The following CSMD3 variants were observed in gnomAD, a reference collection of about 807,000 sequenced individuals.
CSMD3 encodes CUB and Sushi multiple domains 3.
A neutral mutation model predicts 435.2 loss-of-function variants in CSMD3; 177 were observed. The ratio of observed to expected loss-of-function variants is 0.41; its 90% CI spans 0.36 to 0.46. The LOEUF is 0.46. Among genes scored for constraint, CSMD3 ranks in the 20% least tolerant of loss-of-function variants. The pLI, the probability that CSMD3 is intolerant of heterozygous loss-of-function variation, is 0.34. For synonymous variants in CSMD3, 1,656 were observed against 1,520.5 expected, an observed-to-expected ratio of 1.09 and a Z score of -2.07; for missense variants, 4,265 against 4,504.6, an observed-to-expected ratio of 0.95 and a Z score of 1.52.
At chr8:112,390,111 C>T (rs1021659145) in intron 36 of CSMD3, among the ~76,000 whole-genome samples, 2 of 152,178 alleles carry the variant, frequency 1.3e-5, no homozygotes, top group Admixed American at 6.5e-5. Context: ...GGTTGTTGCC[C>T]ATTGCATAGG....
chr8:112,316,234 T>C (rs1424836569), intron 47 of CSMD3, among the ~76,000 whole-genome samples: 1 of 151,844 alleles, frequency 6.6e-6, no homozygotes, highest in African/African-American at 2.4e-5. Context: ...TTGGATATTA[T>C]TTCAGTTTCT....
intron 1 of CSMD3, among the ~76,000 whole-genome samples, chr8:113,351,349 G>T (rs189119528): frequency 6.6e-6 from 1 of 152,108 alleles, no homozygotes; most frequent in African/African-American, 2.4e-5. Context: ...AATATATCTT[G>T]GAAAAAGGCA....
intron 5 of CSMD3, among the ~76,000 whole-genome samples, chr8:113,091,487 C>T (rs975032726): frequency 2.0e-5 from 3 of 151,856 alleles, no homozygotes; most frequent in Non-Finnish European, 4.4e-5. Context: ...TTCTTTATGG[C>T]TCAGTCTTGG....
chr8:112,486,775 C>T lies in CSMD3; in HGVS notation c.5278+5714G>A, dbSNP rs115175405. Among the ~76,000 whole-genome samples, 1,434 of 152,196 alleles carry T rather than the reference C, an allele frequency of 9.4e-3. 30 individuals carry two copies. The highest frequency in any genetic ancestry group is 0.032 in the African/African-American group (1,343 of 41,540). On this transcript the variant is annotated intron_variant, in intron 31 of 70. Coordinates refer to ENST00000297405, the MANE Select transcript of CSMD3 (RefSeq NM_198123.2). ...AGATCAGATGTATATCCATGCTGTG[C>T]TCACAGTACTGTTTTTATTTCTAGC...
intron 59 of CSMD3, among the ~76,000 whole-genome samples, chr8:112,279,101 T>C (rs1278344084): frequency 6.6e-6 from 1 of 151,834 alleles, no homozygotes; most frequent in African/African-American, 2.4e-5. Flanking sequence ...GAAATAAAGA[T>C]CCACAACTGG....
At chr8:112,592,976 A>T (rs1463104881) in intron 22 of CSMD3, among the ~76,000 whole-genome samples, 1 of 152,184 alleles carries the variant, frequency 6.6e-6, no homozygotes, top group Non-Finnish European at 1.5e-5. Context: ...AGAAGCCACA[A>T]GAGAATTACA....
chr8:112,844,727 T>C (rs2080270201), intron 11 of CSMD3, among the ~76,000 whole-genome samples: 2 of 151,938 alleles, frequency 1.3e-5, no homozygotes. Context: ...TGTTTAAGTC[T>C]CTGTTAATGC....
chr8:113,153,101 A>AAAGAAAGAAAGAAAAGAAAG (rs35085690), intron 4 of CSMD3, among the ~76,000 whole-genome samples: 1 of 99,994 alleles, frequency 1.0e-5, no homozygotes, highest in African/African-American at 4.7e-5. Flanking sequence ...AGAAAGAAAG[A>AAAGAAAGAAAGAAAAGAAAG]AAAGAAAGAA....
At chr8:112,999,297 A>G (rs1475381756) in intron 6 of CSMD3, among the ~76,000 whole-genome samples, 1 of 151,980 alleles carries the variant, frequency 6.6e-6, no homozygotes, top group Admixed American at 6.6e-5. Context: ...ATTTAATCAA[A>G]TTTATGAAGA....
rs746783168 is a variant in CSMD3 at position 112,244,409 on chromosome 8, C to G, written c.10387G>C (p.Val3463Leu). ...GAAAACTTACCTTCACAAATGGGAA[C>G]TTTTCCAGTCCAGGTGTTATCGGAT... ...CRSDNTWTGK[V>L]PICEAGSKIL... Residue 3463 changes from valine to leucine, a missense_variant, in exon 65 of 71, where the codon GTT (valine) becomes CTT (leucine). Physicochemically the swap from Val to Leu is conservative, Grantham distance 32. Coordinates refer to ENST00000297405, the MANE Select transcript of CSMD3 (RefSeq NM_198123.2). The G allele has an allele frequency of 3.9e-6, 6 of 1,549,554 alleles. No individual in the cohort carries two copies. Among genetic ancestry groups the G allele is most frequent in the African/African-American group, 1.5e-5 (1 of 65,464 alleles).
chr8:112,783,411 A>C (rs1037310003), intron 13 of CSMD3, among the ~76,000 whole-genome samples: 1 of 98,424 alleles, frequency 1.0e-5, no homozygotes, highest in Non-Finnish European at 1.9e-5. Context: ...GGAAGGAAGG[A>C]AGGAGGGAGG....
At chr8:112,352,323 ATGT>A (rs1826202535) in intron 39 of CSMD3, 90 bp downstream of exon 39, 1 of 1,587,846 alleles carries the variant, frequency 6.3e-7, no homozygotes, top group South Asian at 1.1e-5. Context: ...ACCAGGATCA[ATGT>A]TGTAAAACCC....
intron 5 of CSMD3, among the ~76,000 whole-genome samples, chr8:113,068,575 T>C (rs1321722909): frequency 6.6e-6 from 1 of 152,094 alleles, no homozygotes; most frequent in Non-Finnish European, 1.5e-5. Context: ...TGGTTAGAAA[T>C]GTCAACTGGC....
At chr8:112,377,186 T>C (rs7815139) in intron 38 of CSMD3, among the ~76,000 whole-genome samples, 4,107 of 151,960 alleles carry the variant, frequency 0.027, 171 homozygotes, top group African/African-American at 0.094. Context: ...ACAATTGATG[T>C]CACAGAAATT....
intron 5 of CSMD3, among the ~76,000 whole-genome samples, chr8:113,072,857 C>T (rs1394242280): frequency 1.3e-5 from 2 of 151,634 alleles, no homozygotes; most frequent in Non-Finnish European, 1.5e-5. Context: ...TTAATTGATT[C>T]TTGTTCTTAT....
intron 6 of CSMD3, among the ~76,000 whole-genome samples, chr8:112,986,930 A>AAT (rs1452961059): frequency 6.6e-6 from 1 of 152,026 alleles, no homozygotes; most frequent in Non-Finnish European, 1.5e-5. Context: ...TAAAGATATA[A>AAT]ATATAGATAG....
chr8:112,753,696 T>C (rs2077625895), intron 13 of CSMD3, among the ~76,000 whole-genome samples: 1 of 152,194 alleles, frequency 6.6e-6, no homozygotes, highest in South Asian at 2.1e-4. Context: ...GCAGAACTGT[T>C]AAATTCCTGT....
intron 1 of CSMD3, among the ~76,000 whole-genome samples, chr8:113,333,017 A>C (rs1331964317): frequency 6.6e-6 from 1 of 151,710 alleles, no homozygotes; most frequent in Non-Finnish European, 1.5e-5. Flanking sequence ...TCAAGAGGGG[A>C]ACTGAGCAAA....
chr8:112,423,152 T>C (rs1182610871), intron 32 of CSMD3, among the ~76,000 whole-genome samples: 2 of 152,188 alleles, frequency 1.3e-5, no homozygotes, highest in African/African-American at 2.4e-5. Flanking sequence ...TTTTTTTTCT[T>C]TTCAGAAACA....
Sources: gnomAD v4.1 joint callset for allele counts (sites outside exome capture counted in the v4.1 genomes callset) on GRCh38, gnomAD v4.1.1 for gene constraint, MANE v1.5 for transcripts, NCBI Gene and HGNC (gene_info 2026-07-23, HGNC 2026-07-21) for gene names.